Variants in GANC observed in about 807,000 individuals in gnomAD.
The protein encoded by GANC is glucosidase alpha, neutral C, also known as neutral alpha-glucosidase C.
Under a neutral mutation model 124.2 loss-of-function variants are expected in GANC, and 117 were observed. The observed-to-expected ratio is 0.94, with a 90% CI of 0.81 to 1.10. The LOEUF (loss-of-function observed/expected upper bound fraction) is 1.10. Among genes scored for constraint, GANC ranks in the 50% least tolerant of loss-of-function variants. GANC has a pLI of 0.00. For missense variants in GANC, 1,140 were observed against 1,095.0 expected (o/e 1.04, Z -0.58); for synonymous variants, 377 against 376.8 (o/e 1.00, Z -0.01).
rs143880856 is a variant in GANC at position 42,345,165 on chromosome 15, T to G, written c.2230-593T>G. 5.9e-5 allele frequency among the ~76,000 whole-genome samples: 9 copies of G among 152,006 alleles called. No homozygotes were observed. The East Asian group carries it at 1.7e-3, about 29-fold the overall frequency. ...GAGACCTTATTGGTACTTCAGCAAC[T>G]AAACCCCCTTGATAGATAACAACCT... On this transcript the variant is annotated intron_variant, in intron 19 of 23. Transcript: ENST00000318010.
intron 6 of GANC, among the ~76,000 whole-genome samples, chr15:42,298,275 T>A (rs1050399024): frequency 3.3e-5 from 5 of 152,184 alleles, no homozygotes; most frequent in African/African-American, 1.2e-4. Flanking sequence ...TTATTTCATC[T>A]GGAGAAAGGA....
intron 3 of GANC, among the ~76,000 whole-genome samples, chr15:42,285,533 A>G (rs967005566): frequency 1.3e-5 from 2 of 152,312 alleles, no homozygotes; most frequent in Admixed American, 1.3e-4. Flanking sequence ...AGTGGCTCAT[A>G]CTTGTAATCC....
At chr15:42,278,726 G>C in intron 3 of GANC, 136 bp downstream of exon 3, 1 of 598,540 alleles carries the variant, frequency 1.7e-6, no homozygotes, top group Non-Finnish European at 2.9e-6. Flanking sequence ...GTGATTAGTG[G>C]CTCACGCCTG....
chr15:42,343,290 T>A, intron 19 of GANC, 136 bp downstream of exon 19: 1 of 709,806 alleles, frequency 1.4e-6, no homozygotes, highest in Non-Finnish European at 2.4e-6. Context: ...TTATAATAAG[T>A]CATGACCACT....
At chr15:42,299,293 A>G (rs1172820254) in intron 6 of GANC, among the ~76,000 whole-genome samples, 1 of 152,166 alleles carries the variant, frequency 6.6e-6, no homozygotes, top group East Asian at 1.9e-4. Flanking sequence ...ATTTTATCAA[A>G]GGCCTTTCCC....
At position 42,348,103 on chromosome 15, in the gene GANC, A is replaced by T. The variant is rs547843083; in HGVS notation, c.2305A>T (p.Ile769Phe). 1 of 1,589,714 alleles carries T rather than the reference A, an allele frequency of 6.3e-7. No individual in the cohort carries two copies. The highest frequency in any genetic ancestry group is 1.3e-5 in the African/African-American group (1 of 74,184). ...CCCTGAGCGTGCTGCTCTGTTACAG[A>T]TTCCAGTGTTTCAGCGAGGTGGAAG... ...TVKIPVALDT[I>F]PVFQRGGSVI... Residue 769 changes from isoleucine (I) to phenylalanine (F), a missense_variant and splice_region_variant, in exon 21 of 24, where the codon ATT becomes TTT. By Grantham distance (21) the Ile-to-Phe change is conservative (BLOSUM62 0). Transcript: ENST00000318010.
At chr15:42,307,314 C>A (rs1424875652) in intron 7 of GANC, among the ~76,000 whole-genome samples, 1 of 150,184 alleles carries the variant, frequency 6.7e-6, no homozygotes, top group Non-Finnish European at 1.5e-5. Context: ...GCCCTCCTTT[C>A]TGTAACATCA....
At chr15:42,322,867 A>G (rs2052172046) in intron 11 of GANC, among the ~76,000 whole-genome samples, 1 of 151,912 alleles carries the variant, frequency 6.6e-6, no homozygotes, top group Admixed American at 6.6e-5. Context: ...GAAAATGGAG[A>G]GAGGAGAAGG....
rs539310192 is a variant in GANC, at chr15:42,352,057, C to T, written c.2663C>T (p.Thr888Met). The T allele has an allele frequency of 4.3e-6, 7 of 1,614,050 alleles. No individual in the cohort carries two copies. In the South Asian group the frequency reaches 4.4e-5, roughly 10 times the overall value. The change falls in exon 24 of 24, where the codon ACG becomes ATG. Residue 888 changes from threonine (T) to methionine (M), a missense_variant. Coordinates refer to ENST00000318010, the MANE Select transcript of GANC (RefSeq NM_198141.3). ...SDGKDQPVAF[T>M]YCAKTSILSL... is the part of the protein sequence containing the mutation. ...GGTAAAGATCAGCCTGTGGCTTTTA[C>T]GTATTGTGCCAAAACATCCATCCTG... is the stretch of plus-strand genomic sequence containing the variant.
Position 42,330,678 on chromosome 15 carries a change from G to C in GANC, c.1741+6G>C. ...TGCTGGATCACAAAAGTATGGTAAG[G>C]AATGGCTCATATCAGACTTAAAAAC... On this transcript the variant is annotated splice_donor_region_variant and intron_variant, in intron 15 of 23. Coordinates refer to ENST00000318010, the MANE Select transcript of GANC (RefSeq NM_198141.3). 1.3e-6 allele frequency: 2 copies of C among 1,594,432 alleles called. No individual in the cohort carries two copies. The highest frequency in any genetic ancestry group is 1.7e-6 in the Non-Finnish European group (2 of 1,169,148).
intron 14 of GANC, 95 bp downstream of exon 14, chr15:42,329,544 T>C: frequency 1.5e-6 from 2 of 1,306,540 alleles, no homozygotes; most frequent in Non-Finnish European, 2.1e-6. Context: ...TCTCTACTGT[T>C]CATTTCTCTT....
intron 10 of GANC, among the ~76,000 whole-genome samples, chr15:42,315,733 A>C (rs143661009): frequency 1.3e-5 from 2 of 152,314 alleles, no homozygotes; most frequent in East Asian, 3.9e-4. Context: ...TTAAGTCAGT[A>C]GACTTTGAGG....
chr15:42,342,594 A>G (rs2052335596), intron 18 of GANC, among the ~76,000 whole-genome samples: 1 of 120,154 alleles, frequency 8.3e-6, no homozygotes, highest in Non-Finnish European at 1.8e-5. Flanking sequence ...GTCTCTAAGG[A>G]AAAAAAAAAA....
chr15:42,327,552 T>C (rs1391082381), intron 13 of GANC, 110 bp downstream of exon 13: 2 of 924,168 alleles, frequency 2.2e-6, no homozygotes. Context: ...TGATATATAA[T>C]GCTTTTATTA....
At chr15:42,278,717 T>C in intron 3 of GANC, 127 bp downstream of exon 3, 2 of 631,296 alleles carry the variant, frequency 3.2e-6, no homozygotes, top group South Asian at 2.1e-5. Context: ...AGCCTTTTAG[T>C]GATTAGTGGC....
chr15:42,297,608 CA>C lies in GANC; in HGVS notation c.513-2del, dbSNP rs775152914. 6.2e-7 allele frequency: 1 copy of C among 1,611,050 alleles called. No homozygotes were observed. Reference sequence around the variant, plus strand: ...TGAAACAACTTTATTTACGTTAAAACAGAGCTGCTAAAGAAAATGAGGAGGA... The same window carrying C: ...TGAAACAACTTTATTTACGTTAAAACGAGCTGCTAAAGAAAATGAGGAGGA... On this transcript the variant is annotated splice_acceptor_variant, in intron 5 of 23. Transcript: ENST00000318010. LOFTEE classifies it high-confidence loss of function.
rs1445949491 is a variant in GANC, at chr15:42,287,261, C to CCTT, written c.202-428_202-426dup. Reference sequence around the variant, plus strand: ...TGTTTTCTCTTCTGTAGCCTGCCACCCTTCATCTTTCATCCAGCTGGAATC... The same window carrying CCTT: ...TGTTTTCTCTTCTGTAGCCTGCCACCCTTCTTCATCTTTCATCCAGCTGGAATC... On this transcript the variant is annotated intron_variant, in intron 3 of 23. Transcript: ENST00000318010. 2.6e-5 allele frequency among the ~76,000 whole-genome samples: 4 copies of CCTT among 152,142 alleles called. No individual in the cohort carries two copies. The South Asian group carries it at 8.3e-4, about 32-fold the overall frequency.
At chr15:42,281,680 A>G (rs2051735544) in intron 3 of GANC, among the ~76,000 whole-genome samples, 1 of 151,938 alleles carries the variant, frequency 6.6e-6, no homozygotes, top group Non-Finnish European at 1.5e-5. Flanking sequence ...GACACTGTCC[A>G]AAAAAAATTG....
chr15:42,273,547 A>C lies in GANC; in HGVS notation c.-935A>C, dbSNP rs998049880. ...TGTGCGGCGTAGCGGCCCCTCTCTCAGACAGTCGTCTGTGCGCCGTGAGAC... is the reference window on the plus strand; with the variant it reads ...TGTGCGGCGTAGCGGCCCCTCTCTCCGACAGTCGTCTGTGCGCCGTGAGAC... On this transcript the variant is annotated 5_prime_UTR_variant, in exon 1 of 24. Transcript: ENST00000318010. The C allele has an allele frequency of 2.1e-5, 29 of 1,368,746 alleles. No homozygotes were observed. The highest frequency in any genetic ancestry group is 2.7e-5 in the Non-Finnish European group (28 of 1,025,116). The allele number at this position is 1,368,746 out of a possible 1,614,324, so 84.8% of individuals were successfully genotyped here. A position where few individuals can be genotyped will look rare whatever the true frequency, so the allele number is the denominator to read the frequency against.
Sources: allele counts gnomAD v4.1 joint callset (sites outside exome capture counted in the v4.1 genomes callset), GRCh38; gene constraint gnomAD v4.1.1; transcripts MANE v1.5; gene names NCBI Gene and HGNC (gene_info 2026-07-23, HGNC 2026-07-21).